The following GALNTL6 variants were observed in gnomAD, a reference collection of about 807,000 sequenced individuals.
GALNTL6 encodes the protein polypeptide N-acetylgalactosaminyltransferase-like 6.
GALNTL6 carries 46 observed loss-of-function variants against 73.7 expected under a neutral mutation model. That is an observed-to-expected ratio of 0.62 (90% CI 0.49 to 0.80). GALNTL6 has a LOEUF of 0.80. Ranked by LOEUF, GALNTL6 falls within the 30% of genes least tolerant of loss-of-function variation. The pLI is 0.00. For synonymous variants in GALNTL6, 259 were observed against 263.7 expected, an observed-to-expected ratio of 0.98 and a Z score of 0.17; for missense variants, 604 against 755.0, an observed-to-expected ratio of 0.80 and a Z score of 2.34.
chr4:172,134,984 A>T (rs1284515503), intron 2 of GALNTL6, among the ~76,000 whole-genome samples: 1 of 152,186 alleles, frequency 6.6e-6, no homozygotes, highest in Non-Finnish European at 1.5e-5. Context: ...AGAGGGCTGG[A>T]CAATGTAGTC....
intron 7 of GALNTL6, among the ~76,000 whole-genome samples, chr4:172,848,308 C>G (rs1743623457): frequency 6.6e-6 from 1 of 152,144 alleles, no homozygotes; most frequent in Non-Finnish European, 1.5e-5. Flanking sequence ...TCATTACCTT[C>G]TTTTATAACA....
chr4:172,912,198 C>A (rs1185944935), intron 8 of GALNTL6, among the ~76,000 whole-genome samples: 2 of 152,136 alleles, frequency 1.3e-5, no homozygotes, highest in Non-Finnish European at 2.9e-5. Context: ...TTATTGTGAG[C>A]CTTCAGAGTG....
At chr4:171,837,021 G>C (rs750949580) in intron 2 of GALNTL6, among the ~76,000 whole-genome samples, 1 of 152,078 alleles carries the variant, frequency 6.6e-6, no homozygotes, top group African/African-American at 2.4e-5. Flanking sequence ...AATTACAAAG[G>C]GGAAAAGAGC....
intron 3 of GALNTL6, among the ~76,000 whole-genome samples, chr4:172,236,411 T>G (rs1036130576): frequency 5.3e-5 from 8 of 151,886 alleles, no homozygotes; most frequent in Non-Finnish European, 1.2e-4. Context: ...TGTAAAAAAA[T>G]TAGCCAGGCA....
At chr4:171,844,634 C>G (rs879786480) in intron 2 of GALNTL6, among the ~76,000 whole-genome samples, 1 of 152,168 alleles carries the variant, frequency 6.6e-6, no homozygotes, top group Non-Finnish European at 1.5e-5. Context: ...ATGACCAGAG[C>G]ACTTTTCACT....
At chr4:172,983,918 G>A (rs1211771420) in intron 10 of GALNTL6, among the ~76,000 whole-genome samples, 7 of 149,476 alleles carry the variant, frequency 4.7e-5, no homozygotes, top group African/African-American at 7.6e-5. Flanking sequence ...GACATCTCCC[G>A]GTTGATTTTT....
chr4:172,159,269 C>T (rs1734380048), intron 2 of GALNTL6, among the ~76,000 whole-genome samples: 2 of 152,134 alleles, frequency 1.3e-5, no homozygotes, highest in Non-Finnish European at 2.9e-5. Flanking sequence ...TGATCCCTGG[C>T]ACCTACTGTA....
intron 10 of GALNTL6, among the ~76,000 whole-genome samples, chr4:172,995,960 C>T (rs184032518): frequency 1.3e-4 from 20 of 152,274 alleles, no homozygotes; most frequent in Admixed American, 7.9e-4. Context: ...TATAACAAAA[C>T]ACTTCTTTCC....
intron 12 of GALNTL6, among the ~76,000 whole-genome samples, chr4:173,038,345 A>G (rs1753777787): frequency 6.6e-6 from 1 of 152,092 alleles, no homozygotes. Context: ...GGCATCTGGG[A>G]CAGCAAATAT....
chr4:172,881,674 T>C (rs1176676919), intron 7 of GALNTL6, among the ~76,000 whole-genome samples: 1 of 152,226 alleles, frequency 6.6e-6, no homozygotes, highest in Non-Finnish European at 1.5e-5. Context: ...TGAAATGTTG[T>C]ACTGTTATTT....
chr4:172,835,394 A>C (rs1160336260), intron 7 of GALNTL6, among the ~76,000 whole-genome samples: 1 of 152,228 alleles, frequency 6.6e-6, no homozygotes, highest in African/African-American at 2.4e-5. Flanking sequence ...TATAGACAAT[A>C]ACATGAGCAG....
At chr4:172,031,321 A>G (rs1247617248) in intron 2 of GALNTL6, among the ~76,000 whole-genome samples, 1 of 152,154 alleles carries the variant, frequency 6.6e-6, no homozygotes, top group African/African-American at 2.4e-5. Context: ...GCAAATTTCC[A>G]TAACTTTAAA....
At chr4:172,553,295 T>C (rs1262427667) in intron 5 of GALNTL6, among the ~76,000 whole-genome samples, 1 of 152,176 alleles carries the variant, frequency 6.6e-6, no homozygotes, top group Non-Finnish European at 1.5e-5. Context: ...CAGCCTCACC[T>C]GAAATAAAGC....
intron 2 of GALNTL6, among the ~76,000 whole-genome samples, chr4:172,121,746 C>T (rs538113007): frequency 6.6e-6 from 1 of 152,202 alleles, no homozygotes; most frequent in African/African-American, 2.4e-5. Context: ...TATTGATTAT[C>T]ATCTCAAAGT....
At chr4:172,899,686 A>C (rs1200801418) in intron 8 of GALNTL6, among the ~76,000 whole-genome samples, 1 of 152,210 alleles carries the variant, frequency 6.6e-6, no homozygotes. Flanking sequence ...GTACAGTGAA[A>C]GCAAGTTTAT....
rs530650852 is a variant in GALNTL6 at position 172,579,620 on chromosome 4, A to T, written c.554-229741A>T. The stretch of plus-strand genomic sequence containing the variant: ...ATTTCAAACGATTCCAAACATGGAA[A>T]TAGTACCCTTAACTGGGAATAATTG... On this transcript the variant is annotated intron_variant, in intron 5 of 12. Coordinates refer to ENST00000506823, the MANE Select transcript of GALNTL6 (RefSeq NM_001034845.3). 2.0e-5 allele frequency among the ~76,000 whole-genome samples: 3 copies of T among 152,334 alleles called. No individual in the cohort carries two copies. The South Asian group carries it at 6.2e-4, about 32-fold the overall frequency.
rs190069648 is a variant in GALNTL6 at position 172,779,870 on chromosome 4, C to T, written c.554-29491C>T. ...TAGAGAGATTTTTTTTTCCCCTTAT[C>T]GTTGAGCTAACCAAGCACATATTGA... On this transcript the variant is annotated intron_variant, in intron 5 of 12. Coordinates refer to ENST00000506823, the MANE Select transcript of GALNTL6 (RefSeq NM_001034845.3). Among the ~76,000 whole-genome samples the T allele has an allele frequency of 3.0e-4, 46 of 152,112 alleles. No homozygotes were observed. The East Asian group carries it at 5.0e-3, about 17-fold the overall frequency.
chr4:172,194,852 A>T (rs1735703495), intron 2 of GALNTL6, among the ~76,000 whole-genome samples: 1 of 152,188 alleles, frequency 6.6e-6, no homozygotes, highest in South Asian at 2.1e-4. Context: ...ACACTGAAGT[A>T]CACACACCAA....
chr4:172,836,592 C>G (rs1261695208), intron 7 of GALNTL6, among the ~76,000 whole-genome samples: 1 of 152,162 alleles, frequency 6.6e-6, no homozygotes, highest in East Asian at 1.9e-4. Flanking sequence ...CATGTAACTT[C>G]TACATAAAAT....
Sources: allele counts gnomAD v4.1 joint callset (sites outside exome capture counted in the v4.1 genomes callset), GRCh38; gene constraint gnomAD v4.1.1; transcripts MANE v1.5; gene names NCBI Gene and HGNC (gene_info 2026-07-23, HGNC 2026-07-21).